Variants in GPR158 observed in about 807,000 individuals in gnomAD.
The protein encoded by GPR158 is metabotropic glycine receptor.
A neutral mutation model predicts 78.2 loss-of-function variants in GPR158; 30 were observed. The observed-to-expected ratio is 0.38, with a 90% CI of 0.29 to 0.52. The LOEUF (loss-of-function observed/expected upper bound fraction) is 0.52. Ranked by LOEUF, GPR158 falls within the 20% of genes least tolerant of loss-of-function variation. The pLI, the probability that GPR158 is intolerant of heterozygous loss-of-function variation, is 0.83. For missense variants in GPR158, 1,463 were observed against 1,523.5 expected (o/e 0.96, Z 0.66); for synonymous variants, 581 against 591.1 (o/e 0.98, Z 0.25).
chr10:25,526,899 G>A (rs1287627700), intron 5 of GPR158, among the ~76,000 whole-genome samples: 4 of 152,140 alleles, frequency 2.6e-5, no homozygotes, highest in Non-Finnish European at 5.9e-5. Flanking sequence ...TGGCAAAAAA[G>A]CAAGCCCCAG....
Position 25,597,777 on chromosome 10 carries a change from G to A in GPR158, c.2151G>A (p.Glu717=). 1 of 1,499,088 alleles carries A rather than the reference G, an allele frequency of 6.7e-7. No individual in the cohort carries two copies. The highest frequency in any genetic ancestry group is 8.9e-7 in the Non-Finnish European group (1 of 1,125,098). The allele number at this position is 1,499,088 out of a possible 1,614,324, so 92.9% of individuals were successfully genotyped here. A position where few individuals can be genotyped will look rare whatever the true frequency, so the allele number is the denominator to read the frequency against. ...HSLDPEDIRD[E]LKKLYAQLEI... is the part of the protein sequence containing the mutation. ...ATTTGCTTTTGTTCTGGCAGGACGA[G>A]CTGAAAAAACTCTATGCCCAACTGG... is the stretch of plus-strand genomic sequence containing the variant. Residue 717 remains glutamate (E), a synonymous_variant, in exon 11 of 11, where the codon GAG becomes GAA. Transcript: ENST00000376351.
At chr10:25,468,805 C>CT (rs983524231) in intron 5 of GPR158, among the ~76,000 whole-genome samples, 63 of 152,320 alleles carry the variant, frequency 4.1e-4, no homozygotes, top group African/African-American at 1.4e-3. Flanking sequence ...TGGGAATACT[C>CT]TATCAGCAAG....
chr10:25,372,773 G>A, intron 2 of GPR158, among the ~76,000 whole-genome samples: 1 of 150,902 alleles, frequency 6.6e-6, no homozygotes, highest in South Asian at 2.1e-4. Flanking sequence ...ACGAGTTAGT[G>A]GGTGCAGCAA....
In GPR158 at chr10:25,516,985, G is replaced by T. The variant is rs976538910; in HGVS notation, c.1405-33991G>T. Among the ~76,000 whole-genome samples the T allele has an allele frequency of 1.3e-4, 19 of 149,930 alleles. 1 individual carries two copies. The highest frequency in any genetic ancestry group is 4.8e-4 in the African/African-American group (19 of 39,394). On this transcript the variant is annotated intron_variant, in intron 5 of 10. Coordinates refer to ENST00000376351, the MANE Select transcript of GPR158 (RefSeq NM_020752.3). ...GCAGTATGGCCATTTTCACGATATT[G>T]ATTCTTCCTACCCATGAGCATGGAA...
In GPR158 at chr10:25,595,180, T is replaced by C. The variant is rs147037821; in HGVS notation, c.1998+783T>C. 3.3e-5 allele frequency among the ~76,000 whole-genome samples: 5 copies of C among 152,318 alleles called. No individual in the cohort carries two copies. The East Asian group carries it at 9.6e-4, about 29-fold the overall frequency. ...GAAACCAGAATTATGATTTCTTGTCTTCACTCCAGGCTTTTCCTCAAGTCT... is the reference window on the plus strand; with the variant it reads ...GAAACCAGAATTATGATTTCTTGTCCTCACTCCAGGCTTTTCCTCAAGTCT... On this transcript the variant is annotated intron_variant, in intron 9 of 10. Coordinates refer to ENST00000376351, the MANE Select transcript of GPR158 (RefSeq NM_020752.3).
intron 3 of GPR158, among the ~76,000 whole-genome samples, chr10:25,408,641 G>T (rs12259043): frequency 0.12 from 18,423 of 152,174 alleles, 1,146 homozygotes; most frequent in East Asian, 0.17. Context: ...ATACTCGAGT[G>T]AACTCATTGT....
chr10:25,377,015 A>T (rs1009060805), intron 2 of GPR158, among the ~76,000 whole-genome samples: 1 of 151,462 alleles, frequency 6.6e-6, no homozygotes. Context: ...TGTAGGTGTT[A>T]TTTTCTTTGT....
intron 5 of GPR158, among the ~76,000 whole-genome samples, chr10:25,505,799 G>GT (rs1020668950): frequency 5.5e-4 from 83 of 151,828 alleles, no homozygotes; most frequent in Middle Eastern, 3.4e-3. Flanking sequence ...ACACTCCTTC[G>GT]TTTTTTTTCA....
rs1457210054 is a variant in GPR158 at position 25,598,483 on chromosome 10, A to G, written c.2857A>G (p.Thr953Ala). The stretch of plus-strand genomic sequence containing the variant: ...TCACTCAAATTCTGATAACACAGAG[A>G]CTAAAGATCCTGCCCCCCAAAACTC... ...RNHSNSDNTE[T>A]KDPAPQNSNP... is the part of the protein sequence containing the mutation. Residue 953 changes from threonine to alanine, a missense_variant, in exon 11 of 11, where the codon ACT becomes GCT. Physicochemically the swap from Thr to Ala is moderately conservative, Grantham distance 58 (BLOSUM62 0). Coordinates refer to ENST00000376351, the MANE Select transcript of GPR158 (RefSeq NM_020752.3). 6.2e-7 allele frequency: 1 copy of G among 1,614,108 alleles called. No homozygotes were observed.
At chr10:25,569,715 C>T (rs770221136) in intron 6 of GPR158, among the ~76,000 whole-genome samples, 27 of 152,090 alleles carry the variant, frequency 1.8e-4, no homozygotes, top group Non-Finnish European at 3.7e-4. Context: ...TCATTTCTAC[C>T]TATTGATATC....
chr10:25,314,829 A>G (rs948906542), intron 2 of GPR158, among the ~76,000 whole-genome samples: 1 of 133,522 alleles, frequency 7.5e-6, no homozygotes, highest in African/African-American at 3.3e-5. Context: ...GCCTTTAGTC[A>G]TACATATACA....
chr10:25,254,333 A>C (rs943205980), intron 2 of GPR158, among the ~76,000 whole-genome samples: 2 of 152,200 alleles, frequency 1.3e-5, no homozygotes, highest in Admixed American at 1.3e-4. Flanking sequence ...GAACTGATAT[A>C]CTTTAAGGGA....
intron 5 of GPR158, among the ~76,000 whole-genome samples, chr10:25,504,599 C>T (rs1835986304): frequency 6.6e-6 from 1 of 152,118 alleles, no homozygotes; most frequent in Non-Finnish European, 1.5e-5. Flanking sequence ...TGGAGCCCTC[C>T]CACTGGGTCT....
intron 4 of GPR158, among the ~76,000 whole-genome samples, chr10:25,415,457 C>T (rs893899252): frequency 1.3e-5 from 2 of 151,962 alleles, no homozygotes; most frequent in African/African-American, 4.8e-5. Flanking sequence ...GCAACTCAAA[C>T]CGACAGTACC....
At chr10:25,323,896 A>G (rs1220945105) in intron 2 of GPR158, among the ~76,000 whole-genome samples, 1 of 152,198 alleles carries the variant, frequency 6.6e-6, no homozygotes, top group African/African-American at 2.4e-5. Context: ...CTTTTATGTT[A>G]TAGACATAGT....
At chr10:25,343,085 A>G (rs1412605175) in intron 2 of GPR158, among the ~76,000 whole-genome samples, 1 of 152,028 alleles carries the variant, frequency 6.6e-6, no homozygotes, top group Non-Finnish European at 1.5e-5. Flanking sequence ...AGTGAGGTTT[A>G]CATCTTGGTC....
Position 25,412,439 on chromosome 10 carries a change from G to A in GPR158, c.1301G>A (p.Ser434Asn), listed in dbSNP as rs564260839. Residue 434 changes from serine (S) to asparagine (N), a missense_variant, in exon 4 of 11, where the codon AGC (serine) becomes AAC (asparagine). Ser to Asn is a conservative substitution (Grantham distance 46). Coordinates refer to ENST00000376351, the MANE Select transcript of GPR158 (RefSeq NM_020752.3). ...CTGTGTATGCTGCTCGACTTCGTTAGCATGCTGGTGGTCTACCACTTTCGC... is the reference window on the plus strand; with the variant it reads ...CTGTGTATGCTGCTCGACTTCGTTAACATGCTGGTGGTCTACCACTTTCGC... ...QALCMLLDFV[S>N]MLVVYHFRKA... is the part of the protein sequence containing the mutation. The A allele has an allele frequency of 2.0e-5, 33 of 1,614,012 alleles. No individual in the cohort carries two copies. The East Asian group carries it at 2.7e-4, about 13-fold the overall frequency.
intron 2 of GPR158, among the ~76,000 whole-genome samples, chr10:25,363,522 C>A (rs963407571): frequency 1.2e-4 from 18 of 151,816 alleles, no homozygotes; most frequent in Non-Finnish European, 2.5e-4. Context: ...TGTTGCAAGT[C>A]ATTTGGCAAG....
At chr10:25,463,909 G>A (rs1170186933) in intron 4 of GPR158, among the ~76,000 whole-genome samples, 1 of 152,192 alleles carries the variant, frequency 6.6e-6, no homozygotes, top group Non-Finnish European at 1.5e-5. Context: ...ATAAGACAGT[G>A]GAGGAAATAT....
Sources: allele counts gnomAD v4.1 joint callset (sites outside exome capture counted in the v4.1 genomes callset), GRCh38; gene constraint gnomAD v4.1.1; transcripts MANE v1.5; gene names NCBI Gene and HGNC (gene_info 2026-07-23, HGNC 2026-07-21).